The following PUDP variants were observed in gnomAD, a reference collection of about 807,000 sequenced individuals.
PUDP encodes the protein pseudouridine 5'-phosphatase, also known as pseudouridine-5'-phosphatase.
Under a neutral mutation model 9.4 loss-of-function variants are expected in PUDP, and 8 were observed. That is an observed-to-expected ratio of 0.85 (90% CI 0.50 to 1.53). The LOEUF (loss-of-function observed/expected upper bound fraction) is 1.53, where lower values mean the gene tolerates loss of function less well. Ranked by LOEUF, PUDP falls within the 40% of genes most tolerant of loss-of-function variation. PUDP has a pLI of 0.00. For synonymous variants in PUDP, 99 were observed against 80.7 expected, an observed-to-expected ratio of 1.23 and a Z score of -1.22; for missense variants, 188 against 189.7, an observed-to-expected ratio of 0.99 and a Z score of 0.05.
intron 3 of PUDP, among the ~76,000 whole-genome samples, chrX:6,803,215 A>G (rs1925994070): frequency 9.0e-6 from 1 of 110,987 alleles, no homozygotes; most frequent in Non-Finnish European, 1.9e-5. Context: ...TTTGTTCTTC[A>G]GCCGATGGAA....
chrX:6,967,563 C>A (rs1212967677), intron 3 of PUDP, among the ~76,000 whole-genome samples: 2 of 111,211 alleles, frequency 1.8e-5, no homozygotes, highest in Non-Finnish European at 3.8e-5. Flanking sequence ...AGAACCAGAG[C>A]AATCACTAAC....
intron 2 of PUDP, among the ~76,000 whole-genome samples, chrX:7,082,752 C>T (rs1376447132): frequency 8.9e-6 from 1 of 112,267 alleles, no homozygotes; most frequent in African/African-American, 3.2e-5. Context: ...GTGCCTGGCC[C>T]GTCACCCCAC....
intron 3 of PUDP, among the ~76,000 whole-genome samples, chrX:6,822,966 C>T (rs1211300252): frequency 9.0e-6 from 1 of 111,107 alleles, no homozygotes; most frequent in African/African-American, 3.3e-5. Flanking sequence ...TTTGCTTTAC[C>T]CAAGTTAATC....
At chrX:6,775,480 T>TACACAC (rs1476446920) in intron 3 of PUDP, among the ~76,000 whole-genome samples, 2 of 83,675 alleles carry the variant, frequency 2.4e-5, no homozygotes, top group Non-Finnish European at 4.7e-5. Context: ...GATAGATAGA[T>TACACAC]AGATACACAC....
In PUDP at chrX:7,146,412, G is replaced by A. The variant is rs145592632; in HGVS notation, c.61+1641C>T. On this transcript the variant is annotated intron_variant, in intron 1 of 3. Coordinates refer to ENST00000381077, the MANE Select transcript of PUDP (RefSeq NM_012080.5). The stretch of plus-strand genomic sequence containing the variant: ...CAGGTTCTCTGGACCTTTATTAGAG[G>A]ATAAGAAATTTATTTGACAATTTAA... 9.3e-3 allele frequency among the ~76,000 whole-genome samples: 1,036 copies of A among 111,680 alleles called. 13 individuals carry two copies. Among genetic ancestry groups the A allele is most frequent in the African/African-American group, 0.032 (985 of 30,736 alleles).
intron 3 of PUDP, among the ~76,000 whole-genome samples, chrX:6,848,238 C>G (rs1485368230): frequency 8.9e-6 from 1 of 111,973 alleles, no homozygotes; most frequent in Non-Finnish European, 1.9e-5. Context: ...AAGATCTGAA[C>G]TGTAGGCAGC....
intron 1 of PUDP, among the ~76,000 whole-genome samples, chrX:7,011,225 A>G (rs1402179111): frequency 5.4e-5 from 6 of 112,059 alleles, no homozygotes; most frequent in Non-Finnish European, 1.1e-4. Context: ...CTGCCTAGCT[A>G]TCTTCCAATA....
At chrX:6,754,651 T>C (rs1354879607) in intron 3 of PUDP, among the ~76,000 whole-genome samples, 1 of 108,563 alleles carries the variant, frequency 9.2e-6, no homozygotes, top group Non-Finnish European at 1.9e-5. Context: ...TTATATATTA[T>C]ATTTATTATA....
chrX:7,036,247 TA>T (rs1487715337), intron 1 of PUDP, among the ~76,000 whole-genome samples: 1 of 112,427 alleles, frequency 8.9e-6, no homozygotes, highest in Non-Finnish European at 1.9e-5. Context: ...ATGTGTCACA[TA>T]AAGAAATCTT....
intron 1 of PUDP, among the ~76,000 whole-genome samples, chrX:6,719,487 G>A (rs938854965): frequency 8.9e-6 from 1 of 112,345 alleles, no homozygotes; most frequent in Non-Finnish European, 1.9e-5. Context: ...CTGTGAGATA[G>A]CAAATGTATG....
At chrX:6,862,143 C>A (rs765353311) in intron 3 of PUDP, among the ~76,000 whole-genome samples, 1 of 111,758 alleles carries the variant, frequency 8.9e-6, no homozygotes. Flanking sequence ...TAGAGGTCTC[C>A]CTTTTAAGGA....
At chrX:7,061,003 A>G (rs1156269994) in intron 3 of PUDP, among the ~76,000 whole-genome samples, 2 of 111,823 alleles carry the variant, frequency 1.8e-5, no homozygotes, top group Non-Finnish European at 3.8e-5. Flanking sequence ...GGGCGTGAGC[A>G]TATTCTCAAT....
intron 3 of PUDP, among the ~76,000 whole-genome samples, chrX:6,804,877 G>C (rs1171365224): frequency 8.9e-6 from 1 of 112,029 alleles, no homozygotes; most frequent in Admixed American, 9.5e-5. Context: ...AATTGCAGAG[G>C]TTTTTATTCA....
At chrX:6,872,863 T>C (rs1927196829) in intron 3 of PUDP, among the ~76,000 whole-genome samples, 1 of 110,573 alleles carries the variant, frequency 9.0e-6, no homozygotes, top group Non-Finnish European at 1.9e-5. Context: ...GAGCAGAAAT[T>C]AGGGGGAAGA....
chrX:6,785,390 C>G (rs893139096), intron 3 of PUDP, among the ~76,000 whole-genome samples: 4 of 112,094 alleles, frequency 3.6e-5, no homozygotes, highest in African/African-American at 1.3e-4. Context: ...TTCCTTACTA[C>G]CCAGGGATTC....
Position 6,880,774 on chromosome X carries a change from G to T in PUDP, c.*247+96359C>A, listed in dbSNP as rs763540086. Among the ~76,000 whole-genome samples the T allele has an allele frequency of 6.3e-5, 7 of 111,743 alleles. No individual in the cohort carries two copies. In the South Asian group the frequency reaches 2.6e-3, roughly 42 times the overall value. ...ACACAGGACTGTGTTATTTCTTACT[G>T]TCAGAAGACTAGAATTACAGTCCTG... On this transcript the variant is annotated intron_variant and NMD_transcript_variant, in intron 3 of 3. Transcript: ENST00000655425.
chrX:7,020,955 T>C (rs1440118752), intron 1 of PUDP, among the ~76,000 whole-genome samples: 1 of 112,455 alleles, frequency 8.9e-6, no homozygotes, highest in Non-Finnish European at 1.9e-5. Flanking sequence ...CCCAGAGCCA[T>C]TGTGAGAGGC....
At chrX:7,017,842 T>C (rs1443970713) in intron 1 of PUDP, among the ~76,000 whole-genome samples, 4 of 111,886 alleles carry the variant, frequency 3.6e-5, no homozygotes, top group Admixed American at 9.4e-5. Flanking sequence ...CTGGGCTGCA[T>C]TCTCAGATGG....
upstream of PUDP, among the ~76,000 whole-genome samples, chrX:6,721,720 T>C (rs1409127431): frequency 4.5e-5 from 5 of 111,963 alleles, no homozygotes; most frequent in Non-Finnish European, 9.4e-5. Context: ...AAAGGGAAGG[T>C]TCAATATCTT....
Sources: allele counts gnomAD v4.1 joint callset (sites outside exome capture counted in the v4.1 genomes callset), GRCh38; gene constraint gnomAD v4.1.1; transcripts MANE v1.5; gene names NCBI Gene and HGNC (gene_info 2026-07-23, HGNC 2026-07-21).